Variants in OPCML observed in about 807,000 individuals in gnomAD.
OPCML encodes the protein opioid-binding protein/cell adhesion molecule.
Under a neutral mutation model 37.8 loss-of-function variants are expected in OPCML, and 13 were observed. That is an observed-to-expected ratio of 0.34 (90% CI 0.22 to 0.55). OPCML has a LOEUF of 0.55. Ranked by LOEUF, OPCML falls within the 20% of genes least tolerant of loss-of-function variation. OPCML has a pLI of 0.91. For synonymous variants in OPCML, 176 were observed against 168.8 expected (o/e 1.04, Z -0.33); for missense variants, 341 against 435.6 (o/e 0.78, Z 1.93).
chr11:133,277,388 TA>T (rs879617391), intron 1 of OPCML, among the ~76,000 whole-genome samples: 31 of 148,148 alleles, frequency 2.1e-4, no homozygotes, highest in African/African-American at 5.2e-4. Flanking sequence ...CCTTCAGGTG[TA>T]AAAAAAAAAC....
intron 1 of OPCML, chr11:133,007,106 C>T (rs781436005): frequency 8.7e-5 from 86 of 985,252 alleles, no homozygotes; most frequent in Non-Finnish European, 1.0e-4. Flanking sequence ...GGAGACATCC[C>T]CTAGAGCTTT....
intron 1 of OPCML, among the ~76,000 whole-genome samples, chr11:133,237,510 A>C (rs1255384932): frequency 6.6e-6 from 1 of 152,202 alleles, no homozygotes; most frequent in Non-Finnish European, 1.5e-5. Context: ...GAATGGAGTG[A>C]ACAAAGGGGA....
intron 1 of OPCML, among the ~76,000 whole-genome samples, chr11:133,138,839 G>A (rs955766963): frequency 5.3e-5 from 8 of 152,232 alleles, no homozygotes; most frequent in South Asian, 2.1e-4. Flanking sequence ...TAATGAACCT[G>A]CCTTTACTGA....
intron 7 of OPCML, among the ~76,000 whole-genome samples, chr11:132,433,625 AC>A (rs2096004476): frequency 6.6e-6 from 1 of 152,110 alleles, no homozygotes; most frequent in Non-Finnish European, 1.5e-5. Context: ...TGATGCTCTA[AC>A]CCCCAGTATG....
At chr11:133,422,965 TATA>T (rs1398690652) in intron 1 of OPCML, 1 of 985,280 alleles carries the variant, frequency 1.0e-6, no homozygotes, top group Non-Finnish European at 1.2e-6. Context: ...TGGCATGTCA[TATA>T]ATGAGACAGT....
At chr11:132,440,173 C>A (rs1041878248) in intron 4 of OPCML, among the ~76,000 whole-genome samples, 1 of 152,012 alleles carries the variant, frequency 6.6e-6, no homozygotes, top group Non-Finnish European at 1.5e-5. Context: ...TTTATGGGAC[C>A]AGTTATGCAA....
chr11:133,221,245 T>A lies in OPCML; in HGVS notation c.62-278235A>T, dbSNP rs535981737. 7.9e-4 allele frequency among the ~76,000 whole-genome samples: 121 copies of A among 152,294 alleles called. 1 individual carries two copies. Among genetic ancestry groups the A allele is most frequent in the African/African-American group, 2.7e-3 (111 of 41,574 alleles). Reference sequence around the variant, plus strand: ...GACAAGGTGATTGCTCACTTGAGGATAGCACATTCTGTCTGCAGAGTGACT... The same window carrying A: ...GACAAGGTGATTGCTCACTTGAGGAAAGCACATTCTGTCTGCAGAGTGACT... On this transcript the variant is annotated intron_variant, in intron 1 of 7. Transcript: ENST00000524381.
At chr11:132,579,410 TG>T (rs1565681166) in intron 3 of OPCML, among the ~76,000 whole-genome samples, 7 of 151,598 alleles carry the variant, frequency 4.6e-5, no homozygotes, top group African/African-American at 1.7e-4. Context: ...TGTGTGTGTG[TG>T]TGTGTGATGA....
chr11:133,522,760 C>A (rs1423178632), intron 1 of OPCML, among the ~76,000 whole-genome samples: 3 of 152,324 alleles, frequency 2.0e-5, no homozygotes, highest in Non-Finnish European at 4.4e-5. Flanking sequence ...AGGTAAGACA[C>A]TCAGATGCCC....
At chr11:132,921,312 G>T (rs11604350) in intron 2 of OPCML, among the ~76,000 whole-genome samples, 2 of 152,164 alleles carry the variant, frequency 1.3e-5, no homozygotes, top group Admixed American at 1.3e-4. Flanking sequence ...ATGGACGTGC[G>T]TTCTTTGGTT....
Position 133,104,833 on chromosome 11 carries a change from T to C in OPCML, c.62-161823A>G, listed in dbSNP as rs999198629. ...TGGATTTTAATTAAATGGATCATGG[T>C]TCACAACCAAGTTAGAGTGAAAAAT... On this transcript the variant is annotated intron_variant, in intron 1 of 7. Coordinates refer to ENST00000524381, the MANE Select transcript of OPCML (RefSeq NM_001012393.5). Among the ~76,000 whole-genome samples the C allele has an allele frequency of 2.1e-5, 3 of 145,374 alleles. No homozygotes were observed. The East Asian group carries it at 6.2e-4, about 30-fold the overall frequency.
intron 3 of OPCML, among the ~76,000 whole-genome samples, chr11:132,589,160 C>G (rs1215160059): frequency 1.3e-5 from 2 of 152,102 alleles, no homozygotes; most frequent in Non-Finnish European, 2.9e-5. Context: ...ATCTAATATT[C>G]TGAGTATCAT....
chr11:133,013,992 G>T (rs1947269117), intron 1 of OPCML, among the ~76,000 whole-genome samples: 1 of 152,116 alleles, frequency 6.6e-6, no homozygotes, highest in Non-Finnish European at 1.5e-5. Flanking sequence ...AAGGAACCCT[G>T]CTCCTCCTCC....
At chr11:133,005,528 C>T in intron 1 of OPCML, 1 of 985,392 alleles carries the variant, frequency 1.0e-6, no homozygotes, top group African/African-American at 1.7e-5. Context: ...CTTATCTCCT[C>T]TGCATTTCCA....
At chr11:132,497,500 C>T (rs1565614082) in intron 4 of OPCML, among the ~76,000 whole-genome samples, 1 of 151,702 alleles carries the variant, frequency 6.6e-6, no homozygotes, top group Non-Finnish European at 1.5e-5. Context: ...GGAAAGGTTG[C>T]TGTTTTATGG....
intron 1 of OPCML, among the ~76,000 whole-genome samples, chr11:132,964,247 G>A (rs1339239215): frequency 6.6e-6 from 1 of 152,230 alleles, no homozygotes; most frequent in Non-Finnish European, 1.5e-5. Context: ...AAACACATGG[G>A]AATATTATTT....
chr11:132,928,858 TCAAA>T (rs1945090863), intron 2 of OPCML, among the ~76,000 whole-genome samples: 2 of 151,958 alleles, frequency 1.3e-5, no homozygotes, highest in Non-Finnish European at 2.9e-5. Context: ...TAACACATTC[TCAAA>T]CAATCAATGA....
At chr11:133,219,273 C>T (rs146720783) in intron 1 of OPCML, among the ~76,000 whole-genome samples, 5 of 152,294 alleles carry the variant, frequency 3.3e-5, no homozygotes, top group African/African-American at 1.2e-4. Context: ...TTCTTGAAGT[C>T]GTCCACATTT....
At chr11:133,227,306 G>A (rs576776778) in intron 1 of OPCML, among the ~76,000 whole-genome samples, 1 of 152,316 alleles carries the variant, frequency 6.6e-6, no homozygotes, top group African/African-American at 2.4e-5. Context: ...ACATAAATCA[G>A]CTGTCAGCTG....
Sources: allele counts gnomAD v4.1 joint callset (sites outside exome capture counted in the v4.1 genomes callset), GRCh38; gene constraint gnomAD v4.1.1; transcripts MANE v1.5; gene names NCBI Gene and HGNC (gene_info 2026-07-23, HGNC 2026-07-21).